DPYD: variants seen among roughly 807,000 people sequenced by gnomAD.
DPYD encodes dihydropyrimidine dehydrogenase [NADP(+)].
In DPYD, 109 loss-of-function variants were observed where a neutral mutation model predicts 116.2. The observed-to-expected ratio is 0.94, with a 90% CI of 0.80 to 1.10. The LOEUF (loss-of-function observed/expected upper bound fraction) is 1.10, where lower values mean the gene tolerates loss of function less well. Ranked by LOEUF, DPYD falls within the 50% of genes least tolerant of loss-of-function variation. DPYD has a pLI of 0.00. For synonymous variants in DPYD, 440 were observed against 432.0 expected, an observed-to-expected ratio of 1.02 and a Z score of -0.23; for missense variants, 1,302 against 1,254.5, an observed-to-expected ratio of 1.04 and a Z score of -0.57.
chr1:97,364,257 G>A (rs947173748), intron 16 of DPYD, among the ~76,000 whole-genome samples: 1 of 152,170 alleles, frequency 6.6e-6, no homozygotes, highest in Non-Finnish European at 1.5e-5. Flanking sequence ...TTAATAGAAG[G>A]TTAGACATTT....
In DPYD at chr1:97,175,402, A is replaced by G. The variant is rs370615511; in HGVS notation, c.2622+17667T>C. On this transcript the variant is annotated intron_variant, in intron 20 of 22. Transcript: ENST00000370192. ...GACTACCAAAATTATGGTGATGTGC[A>G]AGGTCACCTGTGTGATGACATATAA... 5.3e-5 allele frequency among the ~76,000 whole-genome samples: 8 copies of G among 152,328 alleles called. No individual in the cohort carries two copies. The South Asian group carries it at 1.2e-3, about 24-fold the overall frequency.
chr1:97,460,747 G>C (rs1040410619), intron 13 of DPYD, among the ~76,000 whole-genome samples: 6 of 152,132 alleles, frequency 3.9e-5, no homozygotes, highest in Non-Finnish European at 1.5e-5. Context: ...CCTTGCAAAA[G>C]AAGAGACACG....
intron 11 of DPYD, among the ~76,000 whole-genome samples, chr1:97,560,814 G>T (rs769608493): frequency 1.3e-5 from 2 of 152,174 alleles, no homozygotes; most frequent in African/African-American, 2.4e-5. Context: ...AGCAATTATG[G>T]AGGGTCAGAG....
intron 3 of DPYD, among the ~76,000 whole-genome samples, chr1:97,751,301 T>C (rs1664862296): frequency 6.7e-6 from 1 of 148,760 alleles, no homozygotes; most frequent in African/African-American, 2.5e-5. Flanking sequence ...TACACACACA[T>C]ATATATACAC....
intron 18 of DPYD, among the ~76,000 whole-genome samples, chr1:97,249,801 A>G (rs928093955): frequency 3.9e-5 from 6 of 152,214 alleles, no homozygotes; most frequent in Admixed American, 1.3e-4. Context: ...AGACATACAA[A>G]TGATCAATAA....
intron 13 of DPYD, among the ~76,000 whole-genome samples, chr1:97,472,838 G>A (rs985772151): frequency 3.9e-5 from 6 of 152,196 alleles, no homozygotes; most frequent in Non-Finnish European, 8.8e-5. Flanking sequence ...CAGCTTTATT[G>A]AGGAATAACT....
intron 8 of DPYD, among the ~76,000 whole-genome samples, chr1:97,669,836 C>G (rs1456841766): frequency 2.6e-5 from 4 of 152,140 alleles, no homozygotes; most frequent in Non-Finnish European, 5.9e-5. Context: ...CTAGTTTCCT[C>G]CAACTTGCAT....
At chr1:97,420,614 C>T (rs1352555410) in intron 14 of DPYD, among the ~76,000 whole-genome samples, 1 of 152,008 alleles carries the variant, frequency 6.6e-6, no homozygotes, top group Non-Finnish European at 1.5e-5. Context: ...CATAAACGGC[C>T]TTTCGTAACT....
At chr1:97,770,185 G>T (rs909413546) in intron 3 of DPYD, among the ~76,000 whole-genome samples, 7 of 152,086 alleles carry the variant, frequency 4.6e-5, no homozygotes, top group African/African-American at 1.7e-4. Context: ...TAGTTGTTTG[G>T]TGTAAAGATT....
intron 3 of DPYD, among the ~76,000 whole-genome samples, chr1:97,802,312 A>G (rs1369516943): frequency 6.6e-6 from 1 of 151,920 alleles, no homozygotes; most frequent in African/African-American, 2.4e-5. Flanking sequence ...TTCTGCCTGA[A>G]TAAGAACTGC....
intron 4 of DPYD, among the ~76,000 whole-genome samples, chr1:97,729,276 A>G (rs1284804386): frequency 1.3e-5 from 2 of 152,130 alleles, no homozygotes; most frequent in Non-Finnish European, 2.9e-5. Context: ...TATACTATGC[A>G]CAAGCAATAT....
intron 20 of DPYD, among the ~76,000 whole-genome samples, chr1:97,172,186 C>G (rs1371981374): frequency 6.6e-6 from 1 of 152,152 alleles, no homozygotes; most frequent in Non-Finnish European, 1.5e-5. Flanking sequence ...TTCGTAGGCT[C>G]TCTGGTCTCT....
intron 2 of DPYD, among the ~76,000 whole-genome samples, chr1:97,863,453 G>C (rs770006890): frequency 2.6e-5 from 4 of 151,774 alleles, no homozygotes; most frequent in Admixed American, 6.6e-5. Flanking sequence ...TACATAAGAA[G>C]ATATATACAG....
At chr1:97,139,834 C>T (rs1654081787) in intron 20 of DPYD, among the ~76,000 whole-genome samples, 1 of 152,096 alleles carries the variant, frequency 6.6e-6, no homozygotes. Flanking sequence ...TTCCCTGTCA[C>T]CCATAGCTCT....
intron 2 of DPYD, among the ~76,000 whole-genome samples, chr1:97,836,532 G>C (rs1315286922): frequency 6.6e-6 from 1 of 152,040 alleles, no homozygotes; most frequent in Non-Finnish European, 1.5e-5. Flanking sequence ...GATGTAAACA[G>C]TCTTTTCTCT....
intron 20 of DPYD, among the ~76,000 whole-genome samples, chr1:97,190,576 AGGCACAGATTTTAAT>A (rs1658281297): frequency 6.6e-6 from 1 of 152,184 alleles, no homozygotes; most frequent in African/African-American, 2.4e-5. Context: ...CTCTTCTTGC[AGGCACAGATTTTAAT>A]GGCTTGCACA....
At chr1:97,613,529 A>G (rs1656077205) in intron 8 of DPYD, among the ~76,000 whole-genome samples, 2 of 152,014 alleles carry the variant, frequency 1.3e-5, no homozygotes, top group Non-Finnish European at 1.5e-5. Context: ...AATCTGGGGC[A>G]TACTGAGTGT....
At chr1:97,340,427 T>C (rs546146775) in intron 16 of DPYD, among the ~76,000 whole-genome samples, 1 of 152,282 alleles carries the variant, frequency 6.6e-6, no homozygotes, top group Admixed American at 6.5e-5. Context: ...CTCTGCACTT[T>C]GGGAGGCCAA....
chr1:97,859,786 TACTC>T (rs992192262), intron 2 of DPYD, among the ~76,000 whole-genome samples: 227 of 152,168 alleles, frequency 1.5e-3, no homozygotes, highest in Admixed American at 2.4e-3. Context: ...TAAAAATAAA[TACTC>T]ACGTATTTAC....
Sources: gnomAD v4.1 joint callset for allele counts (sites outside exome capture counted in the v4.1 genomes callset) on GRCh38, gnomAD v4.1.1 for gene constraint, MANE v1.5 for transcripts, NCBI Gene and HGNC (gene_info 2026-07-23, HGNC 2026-07-21) for gene names.